CDH12: variants seen among roughly 807,000 people sequenced by gnomAD.
CDH12 encodes the protein cadherin 12.
A neutral mutation model predicts 74.1 loss-of-function variants in CDH12; 41 were observed. The ratio of observed to expected loss-of-function variants is 0.55; its 90% CI spans 0.43 to 0.72. The LOEUF is 0.72. CDH12 is among the 30% of genes least tolerant of loss of function. The probability of loss-of-function intolerance (pLI) is 0.00; values close to 1 mark genes in which losing one functional copy is unlikely to be tolerated. For missense variants in CDH12, 945 were observed against 977.2 expected (o/e 0.97, Z 0.44); for synonymous variants, 399 against 355.0 (o/e 1.12, Z -1.39).
intron 3 of CDH12, among the ~76,000 whole-genome samples, chr5:22,303,678 T>C (rs1737988797): frequency 6.6e-6 from 1 of 152,156 alleles, no homozygotes; most frequent in Non-Finnish European, 1.5e-5. Context: ...TCATGGATAA[T>C]TTGAAGAGAT....
chr5:22,081,712 T>C (rs1283242896), intron 4 of CDH12, among the ~76,000 whole-genome samples: 1 of 152,192 alleles, frequency 6.6e-6, no homozygotes, highest in Non-Finnish European at 1.5e-5. Context: ...AGGTTGGACA[T>C]ATGACAACAT....
chr5:22,765,025 A>G (rs1002240698), intron 1 of CDH12, among the ~76,000 whole-genome samples: 2 of 152,020 alleles, frequency 1.3e-5, no homozygotes, highest in Non-Finnish European at 2.9e-5. Context: ...AGAAAGAACC[A>G]TTAATAAATA....
At chr5:22,703,096 C>T (rs893631282) in intron 1 of CDH12, among the ~76,000 whole-genome samples, 2 of 152,092 alleles carry the variant, frequency 1.3e-5, no homozygotes, top group Non-Finnish European at 1.5e-5. Context: ...ACATCTTTGA[C>T]ATTTATTACC....
intron 4 of CDH12, among the ~76,000 whole-genome samples, chr5:22,113,431 C>A (rs987462081): frequency 1.3e-5 from 2 of 152,110 alleles, no homozygotes; most frequent in African/African-American, 4.8e-5. Flanking sequence ...TCATCTTAAC[C>A]TGAACATTTC....
chr5:22,367,810 A>C (rs1306889160), intron 3 of CDH12, among the ~76,000 whole-genome samples: 10 of 152,208 alleles, frequency 6.6e-5, no homozygotes, highest in Non-Finnish European at 1.0e-4. Flanking sequence ...TGACCAAAAA[A>C]TTCATTAAAT....
intron 3 of CDH12, among the ~76,000 whole-genome samples, chr5:22,370,137 G>A (rs191187445): frequency 6.6e-5 from 10 of 152,178 alleles, no homozygotes; most frequent in African/African-American, 2.4e-4. Context: ...AACATTAAGA[G>A]CTGAATAAAG....
At chr5:22,325,022 C>A (rs1739028073) in intron 3 of CDH12, among the ~76,000 whole-genome samples, 1 of 152,106 alleles carries the variant, frequency 6.6e-6, no homozygotes, top group Non-Finnish European at 1.5e-5. Flanking sequence ...AAGATTTATA[C>A]CTGTAGGTAA....
chr5:22,755,464 A>G (rs1370201690), intron 1 of CDH12, among the ~76,000 whole-genome samples: 1 of 152,140 alleles, frequency 6.6e-6, no homozygotes, highest in Admixed American at 6.5e-5. Flanking sequence ...TTGAGTTTGT[A>G]TCCAAATAAT....
In CDH12 at chr5:22,707,802, CT is replaced by C. The variant is rs1194332224; in HGVS notation, c.-523+145255del. On this transcript the variant is annotated intron_variant, in intron 1 of 14. Transcript: ENST00000382254. ...GTGCTACACATATTTGATGCTAAAA[CT>C]TTTTTTTTCTAAGGTAAAATTAGTA... is the stretch of plus-strand genomic sequence containing the variant. Among the ~76,000 whole-genome samples the C allele has an allele frequency of 1.1e-4, 16 of 151,744 alleles. No homozygotes were observed. The East Asian group carries it at 1.5e-3, about 15-fold the overall frequency.
At chr5:21,912,315 T>C (rs1192346984) in intron 6 of CDH12, among the ~76,000 whole-genome samples, 1 of 152,122 alleles carries the variant, frequency 6.6e-6, no homozygotes, top group Non-Finnish European at 1.5e-5. Context: ...AGCAACTTTT[T>C]TTTTTTTTCC....
intron 2 of CDH12, among the ~76,000 whole-genome samples, chr5:22,465,251 C>A (rs957825081): frequency 6.6e-6 from 1 of 152,158 alleles, no homozygotes; most frequent in Non-Finnish European, 1.5e-5. Context: ...CAACACATAT[C>A]TATGCTGTCT....
At chr5:21,928,228 G>A (rs572758363) in intron 6 of CDH12, among the ~76,000 whole-genome samples, 8 of 151,980 alleles carry the variant, frequency 5.3e-5, no homozygotes, top group South Asian at 2.1e-4. Flanking sequence ...GACCTAGAGC[G>A]GGCTTCAAGG....
rs1561258168 is a variant in CDH12 at position 22,254,004 on chromosome 5, TGGAGA to T, written c.-332-41366_-332-41362del. On this transcript the variant is annotated intron_variant, in intron 3 of 14. Transcript: ENST00000382254. The stretch of plus-strand genomic sequence containing the variant: ...TAGGATCACAGTCAGAAATTGGTAA[TGGAGA>T]TAATTGTCTTTGAAAGAAATTTGAG... Among the ~76,000 whole-genome samples, 1,182 of 151,984 alleles carry T rather than the reference TGGAGA, an allele frequency of 7.8e-3. 10 individuals are homozygous for T. The highest frequency in any genetic ancestry group is 0.027 in the African/African-American group (1,123 of 41,530).
At chr5:21,977,677 T>C (rs1757129007) in intron 5 of CDH12, among the ~76,000 whole-genome samples, 2 of 152,134 alleles carry the variant, frequency 1.3e-5, no homozygotes, top group African/African-American at 4.8e-5. Context: ...AAATGTGTCT[T>C]TAGTTATATC....
chr5:21,979,214 C>T (rs949531292), intron 5 of CDH12, among the ~76,000 whole-genome samples: 9 of 152,130 alleles, frequency 5.9e-5, no homozygotes, highest in African/African-American at 2.2e-4. Flanking sequence ...GTTTCTGAGT[C>T]GGTGCTGACT....
At chr5:22,408,042 C>T (rs1378416726) in intron 2 of CDH12, among the ~76,000 whole-genome samples, 2 of 152,048 alleles carry the variant, frequency 1.3e-5, no homozygotes, top group Non-Finnish European at 2.9e-5. Flanking sequence ...CTTCCCATTT[C>T]AGTCAGTTTA....
At chr5:22,091,195 GTGTATATA>G (rs1475981250) in intron 4 of CDH12, among the ~76,000 whole-genome samples, 8 of 132,182 alleles carry the variant, frequency 6.1e-5, no homozygotes, top group African/African-American at 2.5e-4. Flanking sequence ...GTGTGTGTGT[GTGTATATA>G]TATATATATA....
At chr5:22,707,054 T>G (rs1387756293) in intron 1 of CDH12, among the ~76,000 whole-genome samples, 1 of 152,140 alleles carries the variant, frequency 6.6e-6, no homozygotes, top group Non-Finnish European at 1.5e-5. Flanking sequence ...TTTGAACTGA[T>G]CAGTCATCTG....
At chr5:22,274,236 G>A (rs1445341288) in intron 3 of CDH12, among the ~76,000 whole-genome samples, 1 of 151,934 alleles carries the variant, frequency 6.6e-6, no homozygotes, top group African/African-American at 2.4e-5. Context: ...ATAAGGATAT[G>A]GGATTTTACA....
Sources: gnomAD v4.1 joint callset for allele counts (sites outside exome capture counted in the v4.1 genomes callset) on GRCh38, gnomAD v4.1.1 for gene constraint, MANE v1.5 for transcripts, NCBI Gene and HGNC (gene_info 2026-07-23, HGNC 2026-07-21) for gene names.